RANBP2: variants seen among roughly 807,000 people sequenced by gnomAD.
RANBP2 encodes E3 SUMO-protein ligase RanBP2.
RANBP2 carries 57 observed loss-of-function variants against 303.6 expected under a neutral mutation model. The observed-to-expected ratio is 0.19, with a 90% CI of 0.15 to 0.23. The LOEUF (loss-of-function observed/expected upper bound fraction) is 0.23. Among genes scored for constraint, RANBP2 ranks in the 10% least tolerant of loss-of-function variants. RANBP2 has a pLI of 1.00. For missense variants in RANBP2, 3,138 were observed against 3,780.8 expected (o/e 0.83, Z 4.46); for synonymous variants, 1,167 against 1,301.5 (o/e 0.90, Z 2.23).
At chr2:109,135,222 T>C in the RANBP2 span, among the ~76,000 whole-genome samples, 1 of 152,294 alleles carries the variant, frequency 6.6e-6, no homozygotes, top group South Asian at 2.1e-4. Flanking sequence ...GTTACACCCC[T>C]GGGGACAGTG....
At chr2:109,033,244 G>A in the RANBP2 span, among the ~76,000 whole-genome samples, 4 of 152,178 alleles carry the variant, frequency 2.6e-5, no homozygotes, top group Non-Finnish European at 5.9e-5. Flanking sequence ...ATTTCTGTGA[G>A]CTGAGATTTT....
At chr2:109,059,684 C>T in the RANBP2 span, among the ~76,000 whole-genome samples, 29 of 152,214 alleles carry the variant, frequency 1.9e-4, no homozygotes, top group Non-Finnish European at 3.5e-4. Context: ...TGGCACTGTG[C>T]CAGCCCCGGG....
chr2:108,823,466 G>A, the RANBP2 span, among the ~76,000 whole-genome samples: 2 of 152,202 alleles, frequency 1.3e-5, no homozygotes, highest in Admixed American at 6.5e-5. Context: ...TGTATTGTTA[G>A]GTGACTTTTT....
the RANBP2 span, among the ~76,000 whole-genome samples, chr2:109,562,908 A>G: frequency 6.7e-6 from 1 of 148,918 alleles, no homozygotes; most frequent in African/African-American, 2.5e-5. Context: ...AGTACACACA[A>G]TGCTTTTTTT....
the RANBP2 span, among the ~76,000 whole-genome samples, chr2:109,477,263 G>T: frequency 6.6e-6 from 1 of 152,174 alleles, no homozygotes; most frequent in Non-Finnish European, 1.5e-5. Flanking sequence ...GCCCAGAGTG[G>T]GGGAAGTCAC....
the RANBP2 span, among the ~76,000 whole-genome samples, chr2:109,548,379 C>G: frequency 2.8e-4 from 43 of 152,276 alleles, no homozygotes; most frequent in African/African-American, 9.9e-4. Flanking sequence ...CAAAGCAGGA[C>G]TTGGTGTCTA....
chr2:109,469,820 A>T, the RANBP2 span, among the ~76,000 whole-genome samples: 1 of 152,066 alleles, frequency 6.6e-6, no homozygotes, highest in Non-Finnish European at 1.5e-5. Context: ...GTAGATCCGA[A>T]TTTTTCCAGC....
the RANBP2 span, among the ~76,000 whole-genome samples, chr2:109,224,349 C>T: frequency 3.9e-5 from 6 of 152,166 alleles, no homozygotes; most frequent in South Asian, 4.1e-4. Context: ...TTTTCAGATA[C>T]GCATGTGGGA....
In RANBP2 at chr2:108,782,649, A is replaced by G. The variant is rs1307635492; in HGVS notation, c.9156A>G (p.Val3052=). ...QNLMKLQKGH[V]SLAAELSKET... ...TAATGAAACTCCAGAAAGGACATGT[A>G]TCACTGGCAGCAGAATTATCAAAGG... The change falls in exon 28 of 29, where the codon GTA becomes GTG. Residue 3052 remains valine (V), a synonymous_variant. Transcript: ENST00000283195. 6.2e-7 allele frequency: 1 copy of G among 1,614,220 alleles called. No individual in the cohort carries two copies. The highest frequency in any genetic ancestry group is 1.1e-5 in the South Asian group (1 of 91,090).
chr2:109,187,230 A>G, the RANBP2 span, among the ~76,000 whole-genome samples: 2 of 152,214 alleles, frequency 1.3e-5, no homozygotes, highest in Non-Finnish European at 2.9e-5. Context: ...GTTGAGTTTT[A>G]AAATCTACTT....
chr2:109,213,417 G>A, the RANBP2 span, among the ~76,000 whole-genome samples: 7 of 152,320 alleles, frequency 4.6e-5, no homozygotes, highest in South Asian at 1.5e-3. Flanking sequence ...ATTTTATTAG[G>A]GAAGAAAGTG....
the RANBP2 span, among the ~76,000 whole-genome samples, chr2:109,372,480 T>C: frequency 6.6e-6 from 1 of 152,246 alleles, no homozygotes; most frequent in Non-Finnish European, 1.5e-5. Flanking sequence ...CAGTGAATGC[T>C]TACTGAGTGC....
the RANBP2 span, among the ~76,000 whole-genome samples, chr2:109,183,106 G>T: frequency 1.3e-5 from 2 of 152,052 alleles, no homozygotes; most frequent in African/African-American, 2.4e-5. Context: ...CTTTTTAAAA[G>T]AAATCTTTAG....
chr2:108,837,250 G>A, the RANBP2 span, among the ~76,000 whole-genome samples: 16 of 152,096 alleles, frequency 1.1e-4, no homozygotes, highest in East Asian at 1.9e-4. Flanking sequence ...ATGAAAGGGC[G>A]TTGAATCTTG....
At position 108,755,179 on chromosome 2, in the gene RANBP2, T is replaced by C; in HGVS notation, c.2386T>C (p.Ser796Pro). 6.2e-7 allele frequency: 1 copy of C among 1,611,874 alleles called. No individual in the cohort carries two copies. Among genetic ancestry groups the C allele is most frequent in the South Asian group, 1.1e-5 (1 of 90,944 alleles). Residue 796 changes from serine to proline, a missense_variant, in exon 17 of 29, where the codon TCT becomes CCT. By Grantham distance (74) the Ser-to-Pro change is moderately conservative (BLOSUM62 -1). Transcript: ENST00000283195. Reference sequence around the variant, plus strand: ...TGTTATTTTTATTTTTTTTTAGTATTCTCCCAAAACACCACCTCGATGGGC... The same window carrying C: ...TGTTATTTTTATTTTTTTTTAGTATCCTCCCAAAACACCACCTCGATGGGC... ...SLSPSKSYKYSPKTPPRWAED... is the reference protein window; with the variant it reads ...SLSPSKSYKYPPKTPPRWAED...
At chr2:108,970,227 A>T in the RANBP2 span, among the ~76,000 whole-genome samples, 1 of 152,136 alleles carries the variant, frequency 6.6e-6, no homozygotes, top group South Asian at 2.1e-4. Flanking sequence ...CAGAATCTAC[A>T]TTTTTAGCAG....
At chr2:109,335,830 A>C in the RANBP2 span, among the ~76,000 whole-genome samples, 6 of 152,330 alleles carry the variant, frequency 3.9e-5, no homozygotes, top group South Asian at 1.2e-3. Flanking sequence ...AGAGGATAAG[A>C]ATGAAAGTTA....
At chr2:109,703,667 G>A in the RANBP2 span, among the ~76,000 whole-genome samples, 1 of 152,106 alleles carries the variant, frequency 6.6e-6, no homozygotes, top group Non-Finnish European at 1.5e-5. Context: ...GACCTCAGGT[G>A]ATCCGCCCGC....
chr2:109,628,895 T>C, the RANBP2 span, among the ~76,000 whole-genome samples: 1 of 152,160 alleles, frequency 6.6e-6, no homozygotes, highest in African/African-American at 2.4e-5. Flanking sequence ...GGCAGGCAGG[T>C]TGGCAGTCAT....
Sources: gnomAD v4.1 joint callset for allele counts (sites outside exome capture counted in the v4.1 genomes callset) on GRCh38, gnomAD v4.1.1 for gene constraint, MANE v1.5 for transcripts, NCBI Gene and HGNC (gene_info 2026-07-23, HGNC 2026-07-21) for gene names.